CNGA3: variants seen among roughly 807,000 people sequenced by gnomAD.
CNGA3 encodes the protein cyclic nucleotide-gated channel alpha-3.
A neutral mutation model predicts 46.6 loss-of-function variants in CNGA3; 42 were observed. That is an observed-to-expected ratio of 0.90 (90% CI 0.70 to 1.17). CNGA3 has a LOEUF of 1.17. Ranked by LOEUF, CNGA3 falls within the 50% of genes most tolerant of loss-of-function variation. The pLI, the probability that CNGA3 is intolerant of heterozygous loss-of-function variation, is 0.00. For synonymous variants in CNGA3, 394 were observed against 369.4 expected (o/e 1.07, Z -0.76); for missense variants, 893 against 890.7 (o/e 1.00, Z -0.03).
intron 1 of CNGA3, among the ~76,000 whole-genome samples, chr2:98,363,054 G>A (rs781337892): frequency 2.0e-5 from 3 of 152,176 alleles, no homozygotes; most frequent in Non-Finnish European, 4.4e-5. Context: ...GGTTACTATA[G>A]TCTTATAGCA....
chr2:98,397,121 T>C lies in CNGA3; in HGVS notation c.1951T>C (p.Tyr651His). 1 of 1,614,016 alleles carries C rather than the reference T, an allele frequency of 6.2e-7. No individual in the cohort carries two copies. The highest frequency in any genetic ancestry group is 8.5e-7 in the Non-Finnish European group (1 of 1,180,004). The change falls in exon 8 of 8, where the codon TAC becomes CAC. Residue 651 changes from tyrosine to histidine, a missense_variant. Tyr to His is a moderately conservative substitution (Grantham distance 83). Around this residue, in one of 3 missense-constraint regions of CNGA3, gnomAD observed 548 missense variants for 570.8 expected, o/e 0.96. Transcript: ENST00000272602. ...QTRFARLLAE[Y>H]NATQMKMKQR... ...CAGGTTTGCACGCCTCCTGGCTGAG[T>C]ACAACGCCACCCAGATGAAGATGAA...
At chr2:98,380,387 T>G (rs1016316680) in intron 4 of CNGA3, 33 bp downstream of exon 4, 2 of 1,601,368 alleles carry the variant, frequency 1.2e-6, no homozygotes, top group Admixed American at 1.7e-5. Flanking sequence ...GGGCCTCTGG[T>G]GCCTGCTGGG....
At position 98,364,575 on chromosome 2, in the gene CNGA3, C is replaced by T. The variant is rs570925625; in HGVS notation, c.-37-5364C>T. On this transcript the variant is annotated intron_variant, in intron 1 of 7. Coordinates refer to ENST00000272602, the MANE Select transcript of CNGA3 (RefSeq NM_001298.3). ...GGTCTTGACTCCTTATCGAGCTTGC[C>T]ATTCTGTGTCTTTTAATCAGGACAT... is the stretch of plus-strand genomic sequence containing the variant. 3.3e-5 allele frequency among the ~76,000 whole-genome samples: 5 copies of T among 152,178 alleles called. No homozygotes were observed. The South Asian group carries it at 8.3e-4, about 25-fold the overall frequency.
chr2:98,346,483 G>C lies in CNGA3; in HGVS notation c.-89G>C. 2 of 398,582 alleles carry C rather than the reference G, an allele frequency of 5.0e-6. No individual in the cohort carries two copies. The highest frequency in any genetic ancestry group is 8.8e-6 in the Non-Finnish European group (2 of 226,060). The allele number at this position is 398,582 out of a possible 1,614,324, so 24.7% of individuals were successfully genotyped here. A position where few individuals can be genotyped will look rare whatever the true frequency, so the allele number is the denominator to read the frequency against. On this transcript the variant is annotated 5_prime_UTR_variant, in exon 1 of 8. Coordinates refer to ENST00000272602, the MANE Select transcript of CNGA3 (RefSeq NM_001298.3). ...AACTGCGCCTAGGAGGCCGAGGGAGGAGGCGCTCCGCAGACCCTGGCGCGC... is the reference window on the plus strand; with the variant it reads ...AACTGCGCCTAGGAGGCCGAGGGAGCAGGCGCTCCGCAGACCCTGGCGCGC...
At chr2:98,380,062 T>A in intron 3 of CNGA3, 113 bp from the exon 4 acceptor site, 2 of 1,264,036 alleles carry the variant, frequency 1.6e-6, no homozygotes, top group South Asian at 1.2e-5. Flanking sequence ...TTCTGCCCCA[T>A]CCCTTGAGAC....
chr2:98,351,352 G>A (rs13432099), intron 1 of CNGA3, among the ~76,000 whole-genome samples: 10,191 of 152,152 alleles, frequency 0.067, 518 homozygotes, highest in East Asian at 0.18. Flanking sequence ...TTGAATCATC[G>A]GGGCAGGCCT....
intron 4 of CNGA3, among the ~76,000 whole-genome samples, chr2:98,382,038 G>C (rs529296155): frequency 6.6e-6 from 1 of 152,066 alleles, no homozygotes; most frequent in East Asian, 1.9e-4. Flanking sequence ...TCCATTTCCC[G>C]ATGGGACCAG....
intron 1 of CNGA3, among the ~76,000 whole-genome samples, chr2:98,356,593 A>G (rs1340720328): frequency 6.6e-6 from 1 of 152,204 alleles, no homozygotes; most frequent in Non-Finnish European, 1.5e-5. Flanking sequence ...GTGGACTTAC[A>G]GTGCATCCAT....
At chr2:98,369,843 AG>A (rs1692244294) in intron 1 of CNGA3, 95 bp from the exon 2 acceptor site, 3 of 745,034 alleles carry the variant, frequency 4.0e-6, no homozygotes, top group East Asian at 2.7e-5. Context: ...CAGGGCTTGC[AG>A]GGGGGCCGCG....
intron 1 of CNGA3, among the ~76,000 whole-genome samples, chr2:98,362,238 G>GGT: frequency 7.4e-6 from 1 of 134,498 alleles, no homozygotes; most frequent in African/African-American, 2.9e-5. Context: ...GGAGTGCAAT[G>GGT]GCACTATCTC....
At position 98,378,613 on chromosome 2, in the gene CNGA3, T is replaced by G. The variant is rs144135822; in HGVS notation, c.215+813T>G. Among the ~76,000 whole-genome samples the G allele has an allele frequency of 3.9e-3, 591 of 152,374 alleles. 4 individuals are homozygous for G. The highest frequency in any genetic ancestry group is 0.013 in the African/African-American group (559 of 41,590). On this transcript the variant is annotated intron_variant, in intron 3 of 7. Transcript: ENST00000272602. Reference sequence around the variant, plus strand: ...AGGATGCTACTCCACCATTGTTTATTTAACTAGTCCATTGTAGCTGGGCAT... The same window carrying G: ...AGGATGCTACTCCACCATTGTTTATGTAACTAGTCCATTGTAGCTGGGCAT...
chr2:98,356,991 G>C (rs988689381), intron 1 of CNGA3, among the ~76,000 whole-genome samples: 11 of 152,144 alleles, frequency 7.2e-5, no homozygotes, highest in African/African-American at 2.7e-4. Context: ...AACAGTAACA[G>C]GCAAAGATTA....
At chr2:98,357,689 G>T (rs1200372024) in intron 1 of CNGA3, among the ~76,000 whole-genome samples, 1 of 152,116 alleles carries the variant, frequency 6.6e-6, no homozygotes, top group East Asian at 1.9e-4. Flanking sequence ...TAGTCATGTT[G>T]TAAAGAAAAT....
chr2:98,366,558 C>T (rs1280402824), intron 1 of CNGA3, among the ~76,000 whole-genome samples: 1 of 152,220 alleles, frequency 6.6e-6, no homozygotes, highest in Non-Finnish European at 1.5e-5. Flanking sequence ...GGGGCTCCAT[C>T]CCAGGGACAT....
At chr2:98,363,138 C>T (rs1466467669) in intron 1 of CNGA3, among the ~76,000 whole-genome samples, 1 of 152,130 alleles carries the variant, frequency 6.6e-6, no homozygotes, top group Non-Finnish European at 1.5e-5. Context: ...TATACAAGCT[C>T]TTTTTGGTTT....
chr2:98,390,028 A>G (rs1396762694), intron 6 of CNGA3, among the ~76,000 whole-genome samples: 1 of 152,212 alleles, frequency 6.6e-6, no homozygotes, highest in East Asian at 1.9e-4. Flanking sequence ...GGCCCCCTCA[A>G]GTGAGTTGTA....
chr2:98,367,871 C>T (rs1161854315), intron 1 of CNGA3, among the ~76,000 whole-genome samples: 1 of 152,218 alleles, frequency 6.6e-6, no homozygotes, highest in African/African-American at 2.4e-5. Flanking sequence ...TGAATACATC[C>T]TCCCTGGTCT....
intron 2 of CNGA3, among the ~76,000 whole-genome samples, chr2:98,374,573 A>G (rs770006258): frequency 2.6e-5 from 4 of 152,174 alleles, no homozygotes; most frequent in South Asian, 4.1e-4. Flanking sequence ...CGCCAAAAGC[A>G]TCTCCTTTTT....
At chr2:98,358,338 G>T (rs376925387) in intron 1 of CNGA3, among the ~76,000 whole-genome samples, 1 of 152,182 alleles carries the variant, frequency 6.6e-6, no homozygotes, top group East Asian at 1.9e-4. Context: ...AGGAAGGAAT[G>T]GTAGAATACC....
Sources: gnomAD v4.1 joint callset for allele counts (sites outside exome capture counted in the v4.1 genomes callset) on GRCh38, gnomAD v4.1.1 for gene constraint, gnomAD v4.1.1 regional missense constraint, MANE v1.5 for transcripts, NCBI Gene and HGNC (gene_info 2026-07-23, HGNC 2026-07-21) for gene names.